The following PCDHGA7 variants were observed in gnomAD, a reference collection of about 807,000 sequenced individuals.
The protein encoded by PCDHGA7 is protocadherin gamma-A7.
A neutral mutation model predicts 58.3 loss-of-function variants in PCDHGA7; 44 were observed. That is an observed-to-expected ratio of 0.75 (90% confidence interval 0.59 to 0.97). The LOEUF is 0.97. PCDHGA7 is among the 50% of genes least tolerant of loss of function. The pLI is 0.00. For synonymous variants in PCDHGA7, 516 were observed against 504.2 expected (o/e 1.02, Z -0.31); for missense variants, 1,266 against 1,188.7 (o/e 1.06, Z -0.96).
At position 141,476,994 on chromosome 5, in the gene PCDHGA7, A is replaced by T; in HGVS notation, c.2425-17813A>T. 6.2e-7 allele frequency: 1 copy of T among 1,614,260 alleles called. No individual in the cohort carries two copies. The highest frequency in any genetic ancestry group is 2.2e-5 in the East Asian group (1 of 44,884). On this transcript the variant is annotated intron_variant, in intron 1 of 3. Transcript: ENST00000518325. This position sits in a 1 kb window ranked among gnomAD's most constrained non-coding sequence, Gnocchi z 7.6. ...AGCCACAACCGCGCCGGCGTGCGGC[A>T]ACTATTCGCCTTAGACCTTGTAACC...
intron 1 of PCDHGA7, chr5:141,422,273 C>T: frequency 6.4e-7 from 1 of 1,560,808 alleles, no homozygotes; most frequent in Non-Finnish European, 8.6e-7. Flanking sequence ...CCAGAAATAA[C>T]TATCACCTCT....
chr5:141,491,544 C>G lies in PCDHGA7; in HGVS notation c.2425-3263C>G, dbSNP rs546391464. The G allele has an allele frequency of 1.1e-5, 17 of 1,614,018 alleles. No individual in the cohort carries two copies. In the Admixed American group the frequency reaches 1.8e-4, roughly 17 times the overall value. Reference sequence around the variant, plus strand: ...TGGAGGTGACGCTGCGGCCCACAGACTCGCAGAGCCACTGCTACAGGACGT... The same window carrying G: ...TGGAGGTGACGCTGCGGCCCACAGAGTCGCAGAGCCACTGCTACAGGACGT... On this transcript the variant is annotated intron_variant, in intron 1 of 3. Transcript: ENST00000518325. The surrounding 1 kb of genome is among the most constrained non-coding windows in gnomAD (Gnocchi z 6.9).
At chr5:141,454,838 C>G (rs1472341694) in intron 1 of PCDHGA7, among the ~76,000 whole-genome samples, 1 of 100,816 alleles carries the variant, frequency 9.9e-6, no homozygotes, top group South Asian at 3.5e-4. Flanking sequence ...GACAGAGTCG[C>G]GCTCTGTCAC....
chr5:141,426,691 G>A, intron 1 of PCDHGA7: 1 of 435,886 alleles, frequency 2.3e-6, no homozygotes, highest in South Asian at 1.6e-5. Context: ...CCCCAAAATA[G>A]CATTGTTTTA....
In PCDHGA7 at chr5:141,421,780, G is replaced by A. The variant is rs1259671007; in HGVS notation, c.2424+36457G>A. On this transcript the variant is annotated intron_variant, in intron 1 of 3. Coordinates refer to ENST00000518325, the MANE Select transcript of PCDHGA7 (RefSeq NM_018920.4). ...TAATTACTTTTCCTTGCAACTGCGGGGCAGAACGGATGGGGCCAAGAATCC... is the reference window on the plus strand; with the variant it reads ...TAATTACTTTTCCTTGCAACTGCGGAGCAGAACGGATGGGGCCAAGAATCC... The A allele has an allele frequency of 2.5e-6, 4 of 1,613,856 alleles. No homozygotes were observed. In the South Asian group the frequency reaches 4.4e-5, roughly 18 times the overall value.
chr5:141,419,993 G>T (rs754254084), intron 1 of PCDHGA7: 5 of 1,614,056 alleles, frequency 3.1e-6, no homozygotes, highest in Middle Eastern at 1.6e-4. Context: ...TCTAGCTATT[G>T]CTCTACGCCT....
At chr5:141,463,738 G>A (rs1002263384) in intron 1 of PCDHGA7, among the ~76,000 whole-genome samples, 4 of 151,978 alleles carry the variant, frequency 2.6e-5, no homozygotes, top group Admixed American at 2.6e-4. Flanking sequence ...GAGCCACCGC[G>A]CCCGGCCTGC....
chr5:141,459,909 G>A (rs7446907), intron 1 of PCDHGA7, among the ~76,000 whole-genome samples: 42,418 of 152,010 alleles, frequency 0.28, 6,645 homozygotes, highest in African/African-American at 0.43. Flanking sequence ...TGAGCTATGG[G>A]AGTTTTAAAA....
In PCDHGA7 at chr5:141,398,897, C is replaced by A. The variant is rs761364649; in HGVS notation, c.2424+13574C>A. On this transcript the variant is annotated intron_variant, in intron 1 of 3. Coordinates refer to ENST00000518325, the MANE Select transcript of PCDHGA7 (RefSeq NM_018920.4). The stretch of plus-strand genomic sequence containing the variant: ...GTCAGCCTTCGGGAAAACGTGCCAC[C>A]AGGCACCACTGTGTTGCAAGTGTCA... 6 of 1,613,932 alleles carry A rather than the reference C, an allele frequency of 3.7e-6. No homozygotes were observed. The South Asian group carries it at 6.6e-5, about 18-fold the overall frequency.
At chr5:141,399,598 G>A in intron 1 of PCDHGA7, 1 of 1,613,964 alleles carries the variant, frequency 6.2e-7, no homozygotes, top group Non-Finnish European at 8.5e-7. Context: ...CATGGCCAGC[G>A]ACCTAGAGCC....
chr5:141,421,265 T>G (rs2154549151), intron 1 of PCDHGA7: 1 of 1,596,914 alleles, frequency 6.3e-7, no homozygotes, highest in Non-Finnish European at 8.5e-7. Flanking sequence ...CGCAGTCGGC[T>G]GCTGCTGCTG....
chr5:141,390,650 G>A lies in PCDHGA7; in HGVS notation c.2424+5327G>A, dbSNP rs750733568. ...TATGATGAATACTTTTTTCAGCTTG[G>A]ATATACCATAAATATAAAAATAATA... On this transcript the variant is annotated intron_variant, in intron 1 of 3. Coordinates refer to ENST00000518325, the MANE Select transcript of PCDHGA7 (RefSeq NM_018920.4). 69 of 210,892 alleles carry A rather than the reference G, an allele frequency of 3.3e-4. 1 individual carries two copies. The highest frequency in any genetic ancestry group is 5.4e-4 in the Non-Finnish European group (57 of 106,318). The allele number at this position is 210,892 out of a possible 1,614,324, so 13.1% of individuals were successfully genotyped here.
intron 1 of PCDHGA7, among the ~76,000 whole-genome samples, chr5:141,482,884 C>A (rs2099574053): frequency 6.6e-6 from 1 of 152,116 alleles, no homozygotes; most frequent in Non-Finnish European, 1.5e-5. Flanking sequence ...CCAGCCTGGC[C>A]AACATGGTGA....
chr5:141,444,082 A>G (rs942113441), intron 1 of PCDHGA7, among the ~76,000 whole-genome samples: 2 of 151,044 alleles, frequency 1.3e-5, no homozygotes, highest in African/African-American at 2.4e-5. Flanking sequence ...TCACCTGAAA[A>G]GTCTGCTAAG....
intron 1 of PCDHGA7, chr5:141,420,339 T>C: frequency 7.2e-7 from 1 of 1,395,458 alleles, no homozygotes; most frequent in Non-Finnish European, 9.6e-7. Context: ...TCCAATATAG[T>C]GGTATTATTT....
chr5:141,383,705 T>A lies in PCDHGA7; in HGVS notation c.806T>A (p.Leu269Gln). The change falls in exon 1 of 4, where the codon CTG (leucine) becomes CAG (glutamine). Residue 269 changes from leucine (L) to glutamine (Q), a missense_variant. Coordinates refer to ENST00000518325, the MANE Select transcript of PCDHGA7 (RefSeq NM_018920.4). Reference protein sequence around the residue: ...TRLLTVHAIDLDEGVNGEVTY... With the variant: ...TRLLTVHAIDQDEGVNGEVTY... ...CTGCTCACGGTACATGCTATCGACCTGGACGAGGGAGTCAATGGGGAAGTG... is the reference window on the plus strand; with the variant it reads ...CTGCTCACGGTACATGCTATCGACCAGGACGAGGGAGTCAATGGGGAAGTG... 1.2e-6 allele frequency: 2 copies of A among 1,614,020 alleles called. No homozygotes were observed. Among genetic ancestry groups the A allele is most frequent in the Non-Finnish European group, 1.7e-6 (2 of 1,179,886 alleles).
rs1156927948 is a variant in PCDHGA7, at chr5:141,490,342, G to A, written c.2425-4465G>A. 16 of 1,614,126 alleles carry A rather than the reference G, an allele frequency of 9.9e-6. 1 individual carries two copies. In the Admixed American group the frequency reaches 1.3e-4, roughly 13 times the overall value. ...CCTAGAGAGCACACCAGTGGGCACA[G>A]TAGTGGGGTTGTTTAATGTGCGAGA... On this transcript the variant is annotated intron_variant, in intron 1 of 3. Coordinates refer to ENST00000518325, the MANE Select transcript of PCDHGA7 (RefSeq NM_018920.4). This position sits in a 1 kb window ranked among gnomAD's most constrained non-coding sequence, Gnocchi z 5.4.
At chr5:141,433,935 T>G (rs2097665519) in intron 1 of PCDHGA7, among the ~76,000 whole-genome samples, 2 of 152,150 alleles carry the variant, frequency 1.3e-5, no homozygotes, top group African/African-American at 2.4e-5. Context: ...GATTTTATAA[T>G]TCCATTGTTT....
chr5:141,504,963 AC>A (rs1409940135), intron 2 of PCDHGA7, among the ~76,000 whole-genome samples: 1 of 152,038 alleles, frequency 6.6e-6, no homozygotes, highest in Non-Finnish European at 1.5e-5. Context: ...AATGCATTGG[AC>A]CAGCCTGGCC....
Sources: gnomAD v4.1 joint callset for allele counts (sites outside exome capture counted in the v4.1 genomes callset) on GRCh38, gnomAD v4.1.1 for gene constraint, Gnocchi (gnomAD v3.1) non-coding constraint, MANE v1.5 for transcripts, NCBI Gene and HGNC (gene_info 2026-07-23, HGNC 2026-07-21) for gene names.